Variants in SUGCT observed in about 807,000 individuals in gnomAD.
SUGCT encodes the protein succinyl-CoA:glutarate CoA-transferase.
Under a neutral mutation model 55.0 loss-of-function variants are expected in SUGCT, and 41 were observed. That is an observed-to-expected ratio of 0.74 (90% CI 0.58 to 0.97). SUGCT has a LOEUF of 0.97. Ranked by LOEUF, SUGCT falls within the 50% of genes least tolerant of loss-of-function variation. SUGCT has a pLI of 0.00. For missense variants in SUGCT, 568 were observed against 547.8 expected, an observed-to-expected ratio of 1.04 and a Z score of -0.37; for synonymous variants, 187 against 200.4, an observed-to-expected ratio of 0.93 and a Z score of 0.56.
intron 1 of SUGCT, among the ~76,000 whole-genome samples, chr7:40,163,344 A>G (rs749147743): frequency 1.3e-5 from 2 of 152,086 alleles, no homozygotes; most frequent in Admixed American, 6.6e-5. Context: ...AGTTGCTCAC[A>G]CCTGTAATCC....
At chr7:40,698,731 G>C (rs890344839) in intron 12 of SUGCT, among the ~76,000 whole-genome samples, 1 of 152,146 alleles carries the variant, frequency 6.6e-6, no homozygotes, top group Non-Finnish European at 1.5e-5. Flanking sequence ...CATAATTCGT[G>C]AGTTAAAAAT....
intron 6 of SUGCT, among the ~76,000 whole-genome samples, chr7:40,228,071 G>A (rs1327657636): frequency 6.6e-6 from 1 of 151,830 alleles, no homozygotes; most frequent in African/African-American, 2.4e-5. Context: ...TAGTAGAGAT[G>A]GGGTTTCACC....
chr7:40,186,090 T>TCTTCCTTCCTTCCTTCCTTCCCTC (rs751370255), intron 3 of SUGCT, among the ~76,000 whole-genome samples: 90 of 146,974 alleles, frequency 6.1e-4, no homozygotes, highest in African/African-American at 2.2e-3. Context: ...TCTCTCTTTT[T>TCTTCCTTCCTTCCTTCCTTCCCTC]CTTCCTTCCT....
chr7:40,754,580 T>G (rs1788166585), intron 13 of SUGCT, among the ~76,000 whole-genome samples: 1 of 152,110 alleles, frequency 6.6e-6, no homozygotes, highest in African/African-American at 2.4e-5. Flanking sequence ...CATGGAAAAG[T>G]AGGTTGAGTG....
At chr7:40,548,186 C>CTTTTTTTTT (rs1186226631) in intron 12 of SUGCT, among the ~76,000 whole-genome samples, 201 of 104,880 alleles carry the variant, frequency 1.9e-3, no homozygotes, top group African/African-American at 2.4e-3. Context: ...TTCTTTCTTT[C>CTTTTTTTTT]TTTTTTTTTT....
intron 11 of SUGCT, among the ~76,000 whole-genome samples, chr7:40,471,236 A>G (rs965798716): frequency 2.0e-5 from 3 of 152,160 alleles, no homozygotes; most frequent in African/African-American, 7.2e-5. Flanking sequence ...TCTGTTATCT[A>G]AAATAGAGGA....
chr7:40,144,171 G>A (rs1334757756), intron 1 of SUGCT, among the ~76,000 whole-genome samples: 1 of 152,190 alleles, frequency 6.6e-6, no homozygotes, highest in Admixed American at 6.5e-5. Context: ...CTAGTCTCAG[G>A]AGAGTCAGGA....
At chr7:40,455,031 C>G (rs1319789486) in intron 10 of SUGCT, among the ~76,000 whole-genome samples, 1 of 152,066 alleles carries the variant, frequency 6.6e-6, no homozygotes, top group Non-Finnish European at 1.5e-5. Flanking sequence ...AAGATACTGT[C>G]TGATGGGATT....
the SUGCT span, among the ~76,000 whole-genome samples, chr7:40,927,353 A>C: frequency 2.0e-5 from 3 of 152,192 alleles, no homozygotes; most frequent in African/African-American, 4.8e-5. Context: ...TGTGTGGTAC[A>C]TGAATATAGG....
chr7:40,266,966 A>G (rs1791620214), intron 7 of SUGCT, among the ~76,000 whole-genome samples: 1 of 151,962 alleles, frequency 6.6e-6, no homozygotes, highest in Non-Finnish European at 1.5e-5. Flanking sequence ...CAGAGAGCTG[A>G]GATCATGCCA....
At chr7:40,492,090 C>T (rs1791715783) in intron 11 of SUGCT, among the ~76,000 whole-genome samples, 2 of 152,188 alleles carry the variant, frequency 1.3e-5, no homozygotes, top group African/African-American at 2.4e-5. Context: ...TCAAATACTA[C>T]ATAGTGATGT....
the SUGCT span, among the ~76,000 whole-genome samples, chr7:40,938,596 A>G: frequency 2.0e-5 from 3 of 152,090 alleles, no homozygotes; most frequent in Non-Finnish European, 2.9e-5. Flanking sequence ...TAGTGCACCC[A>G]TCACTCAAAT....
chr7:40,589,150 ATG>A (rs148183852), intron 12 of SUGCT, among the ~76,000 whole-genome samples: 43 of 150,314 alleles, frequency 2.9e-4, no homozygotes, highest in Middle Eastern at 3.4e-3. Context: ...ATGTACATAT[ATG>A]TGTGTGTGTG....
At chr7:40,395,479 A>AG (rs1785673100) in intron 9 of SUGCT, among the ~76,000 whole-genome samples, 1 of 146,434 alleles carries the variant, frequency 6.8e-6, no homozygotes. Context: ...ACAAGAGAGA[A>AG]ACTCTGTCTC....
chr7:40,613,929 A>G lies in SUGCT; in HGVS notation c.1089+117543A>G, dbSNP rs1026376766. On this transcript the variant is annotated intron_variant, in intron 12 of 13. Coordinates refer to ENST00000335693, the MANE Select transcript of SUGCT (RefSeq NM_001193313.2). Reference sequence around the variant, plus strand: ...GCCTGCACCCAGTATTTCTAACTACATAGTAGTGCATACTATGGGTTACAG... The same window carrying G: ...GCCTGCACCCAGTATTTCTAACTACGTAGTAGTGCATACTATGGGTTACAG... Among the ~76,000 whole-genome samples the G allele has an allele frequency of 2.6e-5, 4 of 152,288 alleles. 1 individual carries two copies. In the South Asian group the frequency reaches 6.2e-4, roughly 24 times the overall value.
intron 12 of SUGCT, among the ~76,000 whole-genome samples, chr7:40,550,708 G>T (rs1795251027): frequency 6.6e-6 from 1 of 152,200 alleles, no homozygotes; most frequent in African/African-American, 2.4e-5. Flanking sequence ...ACTTCCCTTT[G>T]TCCACCAGTT....
At chr7:40,889,797 A>G in the SUGCT span, among the ~76,000 whole-genome samples, 1 of 152,190 alleles carries the variant, frequency 6.6e-6, no homozygotes, top group East Asian at 1.9e-4. Context: ...CCAGGAAAAG[A>G]CTATCCCTGT....
At chr7:40,385,907 A>C (rs1319394335) in intron 9 of SUGCT, among the ~76,000 whole-genome samples, 1 of 152,246 alleles carries the variant, frequency 6.6e-6, no homozygotes, top group Non-Finnish European at 1.5e-5. Context: ...TTGTTGTGAC[A>C]TGTAACAATT....
At chr7:40,995,661 TATC>T in the SUGCT span, among the ~76,000 whole-genome samples, 4 of 151,836 alleles carry the variant, frequency 2.6e-5, no homozygotes, top group Non-Finnish European at 4.4e-5. Flanking sequence ...TCTATTTTCG[TATC>T]ATCATCATCA....
Sources: allele counts gnomAD v4.1 joint callset (sites outside exome capture counted in the v4.1 genomes callset), GRCh38; gene constraint gnomAD v4.1.1; transcripts MANE v1.5; gene names NCBI Gene and HGNC (gene_info 2026-07-23, HGNC 2026-07-21).